TMEM217: variants seen among roughly 807,000 people sequenced by gnomAD.
TMEM217 encodes the protein transmembrane protein 217.
For synonymous variants in TMEM217, 76 were observed against 88.3 expected (o/e 0.86, Z 0.78); for missense variants, 204 against 248.8 (o/e 0.82, Z 1.21).
intron 1 of TMEM217, among the ~76,000 whole-genome samples, chr6:37,249,357 T>C (rs1420437765): frequency 6.6e-6 from 1 of 152,186 alleles, no homozygotes; most frequent in African/African-American, 2.4e-5. Flanking sequence ...TCTCACTCTG[T>C]TGCCTACGTT....
chr6:37,235,911 C>T (rs149072342), intron 1 of TMEM217, among the ~76,000 whole-genome samples: 6 of 152,134 alleles, frequency 3.9e-5, no homozygotes, highest in African/African-American at 1.4e-4. Context: ...TTAATACCAC[C>T]ACTATGGGGA....
At chr6:37,220,514 C>T (rs758858425) in intron 1 of TMEM217, among the ~76,000 whole-genome samples, 9 of 151,862 alleles carry the variant, frequency 5.9e-5, no homozygotes, top group Non-Finnish European at 1.3e-4. Flanking sequence ...GGGGAGAAAA[C>T]TCTCCTTGAG....
chr6:37,216,056 A>G (rs1763190708), downstream of TMEM217, among the ~76,000 whole-genome samples: 1 of 152,020 alleles, frequency 6.6e-6, no homozygotes, highest in South Asian at 2.1e-4. Flanking sequence ...ACAGACAGAC[A>G]TAATCAGATT....
chr6:37,244,813 A>C (rs1304344785), intron 1 of TMEM217, among the ~76,000 whole-genome samples: 4 of 152,240 alleles, frequency 2.6e-5, no homozygotes, highest in African/African-American at 4.8e-5. Flanking sequence ...GGACTCGCTC[A>C]AGTGTCTGAG....
intron 1 of TMEM217, among the ~76,000 whole-genome samples, chr6:37,244,241 T>A (rs1486673815): frequency 6.6e-6 from 1 of 152,214 alleles, no homozygotes; most frequent in Non-Finnish European, 1.5e-5. Context: ...TGCATAGGAA[T>A]GAACAAGGAG....
chr6:37,218,405 G>A, exon 2 of TMEM217: 2 of 1,552,530 alleles, frequency 1.3e-6, no homozygotes, highest in Non-Finnish European at 1.8e-6. Context: ...TTGAACTCCT[G>A]ACCTCAGGCG....
chr6:37,242,455 A>G (rs1764816275), intron 1 of TMEM217, among the ~76,000 whole-genome samples: 1 of 152,180 alleles, frequency 6.6e-6, no homozygotes, highest in Non-Finnish European at 1.5e-5. Context: ...AGATTTTCCA[A>G]AACAAAAGTT....
chr6:37,252,462 T>C (rs1765452019), intron 1 of TMEM217, among the ~76,000 whole-genome samples: 1 of 151,720 alleles, frequency 6.6e-6, no homozygotes, highest in Non-Finnish European at 1.5e-5. Context: ...CATACATACA[T>C]ACATGTATAC....
In TMEM217 at chr6:37,253,396, G is replaced by C. The variant is rs1765557806; in HGVS notation, c.-12+4172C>G. Among the ~76,000 whole-genome samples the C allele has an allele frequency of 3.3e-5, 5 of 152,258 alleles. No homozygotes were observed. In the South Asian group the frequency reaches 1.0e-3, roughly 32 times the overall value. ...TAAATTCTTAGGAATGAAATACCTA[G>C]TTTTCCCTTCACCCCCCAAATTCTA... On this transcript the variant is annotated intron_variant, in intron 1 of 1. Coordinates refer to ENST00000357219, the Ensembl canonical transcript of TMEM217.
In TMEM217 at chr6:37,226,281, C is replaced by CTT. The variant is rs755752365; in HGVS notation, c.-11-7242_-11-7241dup. Among the ~76,000 whole-genome samples, 258 of 74,890 alleles carry CTT rather than the reference C, an allele frequency of 3.4e-3. 63 individuals carry two copies. The highest frequency in any genetic ancestry group is 7.7e-3 in the African/African-American group (142 of 18,452). The allele number at this position is 74,890 out of a possible 152,430, so 49.1% of individuals were successfully genotyped here. ...TTTTATTTTGTTTTTTTGAGACAGTCTTTTTTTTTTTTTTTTTTTTTTTTT... is the reference window on the plus strand; with the variant it reads ...TTTTATTTTGTTTTTTTGAGACAGTCTTTTTTTTTTTTTTTTTTTTTTTTTTT... On this transcript the variant is annotated intron_variant, in intron 1 of 1. Transcript: ENST00000357219.
intron 1 of TMEM217, among the ~76,000 whole-genome samples, chr6:37,252,842 G>A (rs1468745329): frequency 6.6e-6 from 1 of 151,518 alleles, no homozygotes; most frequent in African/African-American, 2.4e-5. Flanking sequence ...GTTTTGTCAT[G>A]TTGCCCAGGC....
intron 1 of TMEM217, among the ~76,000 whole-genome samples, chr6:37,245,397 C>A (rs957067221): frequency 1.3e-5 from 2 of 152,238 alleles, no homozygotes; most frequent in African/African-American, 4.8e-5. Context: ...TGGCATTGCC[C>A]ATTAGTGGAA....
At chr6:37,217,319 G>C (rs1368287044), downstream of TMEM217, among the ~76,000 whole-genome samples, 1 of 152,160 alleles carries the variant, frequency 6.6e-6, no homozygotes, top group African/African-American at 2.4e-5. Context: ...GCTTCATACA[G>C]TCTCTGGACC....
At chr6:37,244,693 C>G (rs1764961962) in intron 1 of TMEM217, among the ~76,000 whole-genome samples, 1 of 152,182 alleles carries the variant, frequency 6.6e-6, no homozygotes, top group East Asian at 1.9e-4. Context: ...ATCACATAAA[C>G]AACCATAAAA....
At position 37,243,345 on chromosome 6, in the gene TMEM217, A is replaced by C. The variant is rs576764761; in HGVS notation, c.-12+14223T>G. Among the ~76,000 whole-genome samples, 4 of 152,240 alleles carry C rather than the reference A, an allele frequency of 2.6e-5. No homozygotes were observed. In the South Asian group the frequency reaches 8.3e-4, roughly 32 times the overall value. Reference sequence around the variant, plus strand: ...TGTGGTCATGTGACCAAGTCCTGAGAATGGATTGAAAGGGGGAAAAAAATG... The same window carrying C: ...TGTGGTCATGTGACCAAGTCCTGAGCATGGATTGAAAGGGGGAAAAAAATG... On this transcript the variant is annotated intron_variant, in intron 1 of 1. Transcript: ENST00000357219.
chr6:37,245,572 T>C (rs369843216), intron 1 of TMEM217, among the ~76,000 whole-genome samples: 1 of 152,120 alleles, frequency 6.6e-6, no homozygotes, highest in African/African-American at 2.4e-5. Context: ...TACTAGGAGG[T>C]GGGCTCTGCT....
chr6:37,215,180 T>C, downstream of TMEM217: 1 of 1,612,558 alleles, frequency 6.2e-7, no homozygotes, highest in Non-Finnish European at 8.5e-7. Context: ...TGGTACATTC[T>C]ATTCATTCAA....
At chr6:37,222,579 C>G (rs1220634472) in intron 1 of TMEM217, among the ~76,000 whole-genome samples, 1 of 152,192 alleles carries the variant, frequency 6.6e-6, no homozygotes, top group East Asian at 1.9e-4. Flanking sequence ...AGTGGGAGGC[C>G]CAGGTCTGCA....
chr6:37,217,788 G>T (rs1028106788), exon 2 of TMEM217: 51 of 985,272 alleles, frequency 5.2e-5, no homozygotes, highest in Non-Finnish European at 6.1e-5. Flanking sequence ...TTATCCCAGG[G>T]TTAAATTAAA....
Sources: gnomAD v4.1 joint callset for allele counts (sites outside exome capture counted in the v4.1 genomes callset) on GRCh38, gnomAD v4.1.1 for gene constraint, MANE v1.5 for transcripts, NCBI Gene and HGNC (gene_info 2026-07-23, HGNC 2026-07-21) for gene names.